SGCG: variants seen among roughly 807,000 people sequenced by gnomAD.
SGCG encodes the protein gamma-sarcoglycan.
Under a neutral mutation model 29.3 loss-of-function variants are expected in SGCG, and 26 were observed. The observed-to-expected ratio is 0.89, with a 90% confidence interval of 0.65 to 1.23. The LOEUF is 1.23. Among genes scored for constraint, SGCG ranks in the 50% most tolerant of loss-of-function variants. SGCG has a pLI of 0.00. For synonymous variants in SGCG, 145 were observed against 129.7 expected (o/e 1.12, Z -0.80); for missense variants, 353 against 356.0 (o/e 0.99, Z 0.07).
intron 7 of SGCG, among the ~76,000 whole-genome samples, chr13:23,323,744 T>G (rs537602732): frequency 5.3e-5 from 8 of 152,290 alleles, no homozygotes; most frequent in Admixed American, 3.9e-4. Context: ...GCTGTGCAGT[T>G]TCAAATAATA....
intron 7 of SGCG, among the ~76,000 whole-genome samples, chr13:23,321,482 G>A (rs768704402): frequency 6.6e-6 from 1 of 152,168 alleles, no homozygotes; most frequent in African/African-American, 2.4e-5. Flanking sequence ...TAGCATCAAT[G>A]CTCTTGTGCT....
At chr13:23,312,795 T>C (rs1379744649) in intron 6 of SGCG, among the ~76,000 whole-genome samples, 1 of 138,434 alleles carries the variant, frequency 7.2e-6, no homozygotes, top group Admixed American at 7.9e-5. Flanking sequence ...TCTTTTATAT[T>C]AAATTGTTTT....
intron 6 of SGCG, among the ~76,000 whole-genome samples, chr13:23,302,251 C>G (rs1210734229): frequency 6.6e-6 from 1 of 151,174 alleles, no homozygotes; most frequent in Non-Finnish European, 1.5e-5. Flanking sequence ...TATTTCTCCA[C>G]AAGAAATATA....
At chr13:23,269,814 G>A (rs1208835741) in intron 4 of SGCG, among the ~76,000 whole-genome samples, 2 of 150,842 alleles carry the variant, frequency 1.3e-5, no homozygotes, top group Non-Finnish European at 3.0e-5. Flanking sequence ...ATGTCACAAA[G>A]AGTAACAATT....
At chr13:23,162,726 G>T in the SGCG span, among the ~76,000 whole-genome samples, 13 of 152,206 alleles carry the variant, frequency 8.5e-5, no homozygotes, top group African/African-American at 3.1e-4. Context: ...AGCTTCTCGG[G>T]AGGCTGAGGC....
intron 3 of SGCG, among the ~76,000 whole-genome samples, chr13:23,248,148 C>G (rs1240923833): frequency 4.8e-5 from 4 of 82,518 alleles, no homozygotes; most frequent in South Asian, 3.6e-4. Flanking sequence ...AGTATACACT[C>G]AAAAAGATAA....
chr13:23,161,899 C>A, the SGCG span, among the ~76,000 whole-genome samples: 2 of 152,186 alleles, frequency 1.3e-5, no homozygotes, highest in Admixed American at 1.3e-4. Flanking sequence ...AAATAATTAA[C>A]GTGTATGATA....
chr13:23,194,377 CGAA>C (rs1359672792), intron 1 of SGCG, among the ~76,000 whole-genome samples: 35 of 152,014 alleles, frequency 2.3e-4, no homozygotes, highest in Admixed American at 2.3e-3. Context: ...AAACCCAAGT[CGAA>C]GAAGTTCAAG....
intron 2 of SGCG, among the ~76,000 whole-genome samples, chr13:23,229,803 C>T (rs1879036797): frequency 6.6e-6 from 1 of 152,184 alleles, no homozygotes; most frequent in Non-Finnish European, 1.5e-5. Flanking sequence ...CCTCATTTGT[C>T]AATTTTGGCT....
chr13:23,198,329 G>A (rs540983392), intron 1 of SGCG, among the ~76,000 whole-genome samples: 29 of 152,268 alleles, frequency 1.9e-4, no homozygotes, highest in Middle Eastern at 3.4e-3. Context: ...CACTATGTTC[G>A]ATTCACTATA....
intron 2 of SGCG, among the ~76,000 whole-genome samples, chr13:23,215,043 C>T (rs61948489): frequency 0.061 from 9,264 of 152,130 alleles, 393 homozygotes; most frequent in Middle Eastern, 0.15. Flanking sequence ...AGGGATATGC[C>T]TTCAATTTTC....
intron 1 of SGCG, among the ~76,000 whole-genome samples, chr13:23,200,322 C>T (rs1877690056): frequency 6.7e-6 from 1 of 148,156 alleles, no homozygotes; most frequent in East Asian, 2.1e-4. Flanking sequence ...GCTTGGGAGA[C>T]CGAGGCAGGA....
intron 1 of SGCG, among the ~76,000 whole-genome samples, chr13:23,184,602 T>G (rs1334775567): frequency 2.0e-5 from 3 of 152,212 alleles, no homozygotes; most frequent in Non-Finnish European, 4.4e-5. Flanking sequence ...GGTACTGCAA[T>G]GTAGGCTGGT....
At chr13:23,304,707 G>A (rs1438859043) in intron 6 of SGCG, among the ~76,000 whole-genome samples, 3 of 152,008 alleles carry the variant, frequency 2.0e-5, no homozygotes, top group Non-Finnish European at 4.4e-5. Context: ...GGGTTCAAGC[G>A]ATTCTCCTGC....
the SGCG span, among the ~76,000 whole-genome samples, chr13:23,161,544 T>G: frequency 6.6e-6 from 1 of 152,264 alleles, no homozygotes; most frequent in South Asian, 2.1e-4. Context: ...GGTCTTCCCA[T>G]GCTTTTCTTC....
chr13:23,221,806 A>G (rs780395461), intron 2 of SGCG, among the ~76,000 whole-genome samples: 2 of 152,228 alleles, frequency 1.3e-5, no homozygotes, highest in Non-Finnish European at 2.9e-5. Context: ...TCCTGTGGCT[A>G]AAAGAGTTCA....
intron 6 of SGCG, among the ~76,000 whole-genome samples, chr13:23,310,236 G>A (rs566259339): frequency 1.3e-3 from 202 of 151,674 alleles, no homozygotes; most frequent in South Asian, 7.5e-3. Flanking sequence ...ACAGGCGCCC[G>A]CCACCACACC....
chr13:23,299,456 A>ATATATTTTT (rs1882059808), intron 6 of SGCG, among the ~76,000 whole-genome samples: 2 of 41,538 alleles, frequency 4.8e-5, no homozygotes, highest in Non-Finnish European at 9.6e-5. Context: ...ATATATATAT[A>ATATATTTTT]TTTTTTTTTT....
In SGCG at chr13:23,203,808, G is replaced by C. The variant is rs1877867582; in HGVS notation, c.114G>C (p.Leu38Phe). Residue 38 changes from leucine to phenylalanine, a missense_variant, in exon 2 of 8, where the codon TTG (leucine) becomes TTC (phenylalanine). Coordinates refer to ENST00000218867, the MANE Select transcript of SGCG (RefSeq NM_000231.3). ...IYGWRKRCLY[L>F]FVLLLLIILV... ...GCTGGAGAAAGCGCTGTCTCTACTT[G>C]TTTGTTCTTCTTTTACTCATCATCC... 1 of 1,613,906 alleles carries C rather than the reference G, an allele frequency of 6.2e-7. No homozygotes were observed. The highest frequency in any genetic ancestry group is 1.3e-5 in the African/African-American group (1 of 74,926).
Sources: allele counts gnomAD v4.1 joint callset (sites outside exome capture counted in the v4.1 genomes callset), GRCh38; gene constraint gnomAD v4.1.1; transcripts MANE v1.5; gene names NCBI Gene and HGNC (gene_info 2026-07-23, HGNC 2026-07-21).